TMEFF2: variants seen among roughly 807,000 people sequenced by gnomAD.
The protein encoded by TMEFF2 is tomoregulin-2.
TMEFF2 carries 28 observed loss-of-function variants against 53.8 expected under a neutral mutation model. The observed-to-expected ratio is 0.52, with a 90% CI of 0.39 to 0.71. The LOEUF is 0.71. TMEFF2 is among the 30% of genes least tolerant of loss of function. The pLI is 0.00. For synonymous variants in TMEFF2, 162 were observed against 166.3 expected (o/e 0.97, Z 0.20); for missense variants, 353 against 455.2 (o/e 0.78, Z 2.04).
At chr2:192,085,220 G>A (rs1688644497) in intron 4 of TMEFF2, among the ~76,000 whole-genome samples, 1 of 152,024 alleles carries the variant, frequency 6.6e-6, no homozygotes, top group South Asian at 2.1e-4. Context: ...TCATAATAAA[G>A]GATTTAGGAA....
At chr2:192,008,615 C>T (rs1311279729) in intron 5 of TMEFF2, among the ~76,000 whole-genome samples, 4 of 152,060 alleles carry the variant, frequency 2.6e-5, no homozygotes, top group African/African-American at 9.7e-5. Context: ...TTTATACACA[C>T]CTGAGTCAGG....
At chr2:191,964,078 TATAAAA>T (rs1288912939) in intron 7 of TMEFF2, among the ~76,000 whole-genome samples, 1 of 152,206 alleles carries the variant, frequency 6.6e-6, no homozygotes, top group Non-Finnish European at 1.5e-5. Flanking sequence ...GTTAGGAACT[TATAAAA>T]ATACACGACA....
At chr2:192,145,970 A>T (rs561475888) in intron 4 of TMEFF2, among the ~76,000 whole-genome samples, 1 of 152,160 alleles carries the variant, frequency 6.6e-6, no homozygotes, top group South Asian at 2.1e-4. Flanking sequence ...TGAACTGATT[A>T]ACTAAGCATA....
Position 192,043,049 on chromosome 2 carries a change from A to AG in TMEFF2, c.536+14629dup, listed in dbSNP as rs528944427. On this transcript the variant is annotated intron_variant, in intron 5 of 9. Transcript: ENST00000272771. ...TGGAGTAATTGGGTCTCAGGGCAGC[A>AG]GGGGCCAAGTGGCAGTACTCGACTG... Among the ~76,000 whole-genome samples, 36 of 152,316 alleles carry AG rather than the reference A, an allele frequency of 2.4e-4. No individual in the cohort carries two copies. The East Asian group carries it at 6.4e-3, about 27-fold the overall frequency.
chr2:192,065,315 A>T (rs552420004), intron 4 of TMEFF2, among the ~76,000 whole-genome samples: 5 of 151,882 alleles, frequency 3.3e-5, no homozygotes, highest in African/African-American at 1.2e-4. Flanking sequence ...TAAGCATAGC[A>T]TAACATTAAA....
chr2:192,155,876 G>A (rs1690495273), intron 4 of TMEFF2, among the ~76,000 whole-genome samples: 1 of 151,994 alleles, frequency 6.6e-6, no homozygotes, highest in Non-Finnish European at 1.5e-5. Context: ...TGGTATTTCT[G>A]CTTAAAATAG....
At chr2:192,070,020 A>G (rs367605071) in intron 4 of TMEFF2, among the ~76,000 whole-genome samples, 43,641 of 86,266 alleles carry the variant, frequency 0.51, 8,716 homozygotes, top group South Asian at 0.61. Context: ...ATATATATAT[A>G]TATATATATA....
intron 7 of TMEFF2, among the ~76,000 whole-genome samples, chr2:191,992,934 C>CTTGT (rs1686142518): frequency 6.6e-6 from 1 of 152,010 alleles, no homozygotes; most frequent in African/African-American, 2.4e-5. Flanking sequence ...AAAGCTGGGA[C>CTTGT]TTGTTAGATA....
intron 7 of TMEFF2, among the ~76,000 whole-genome samples, chr2:191,986,345 AG>A (rs1383553762): frequency 6.6e-6 from 1 of 152,204 alleles, no homozygotes; most frequent in Non-Finnish European, 1.5e-5. Context: ...ACAGAAGAAA[AG>A]CAGGGACCCA....
At chr2:191,995,387 G>A (rs573632791) in intron 7 of TMEFF2, among the ~76,000 whole-genome samples, 31 of 152,070 alleles carry the variant, frequency 2.0e-4, no homozygotes, top group Admixed American at 1.8e-3. Flanking sequence ...TAGTATGTTA[G>A]ATCCTTACTT....
chr2:192,060,656 ACT>A (rs1372333176), intron 4 of TMEFF2, among the ~76,000 whole-genome samples: 1 of 152,084 alleles, frequency 6.6e-6, no homozygotes, highest in East Asian at 1.9e-4. Context: ...TACATGTTAC[ACT>A]CTCAGTAAAT....
At chr2:192,141,554 C>A (rs1690140553) in intron 4 of TMEFF2, among the ~76,000 whole-genome samples, 1 of 151,136 alleles carries the variant, frequency 6.6e-6, no homozygotes, top group Admixed American at 6.6e-5. Flanking sequence ...TAAAATAATT[C>A]CAGGTAGATG....
In TMEFF2 at chr2:192,055,041, A is replaced by G. The variant is rs185340399; in HGVS notation, c.536+2638T>C. On this transcript the variant is annotated intron_variant, in intron 5 of 9. Transcript: ENST00000272771. ...ATTAAAAAGATAAGGAACTAGGAAA[A>G]TTAAAATTCTTAAAAAAAAGAGACT... Among the ~76,000 whole-genome samples, 342 of 152,306 alleles carry G rather than the reference A, an allele frequency of 2.2e-3. 1 individual carries two copies. The highest frequency in any genetic ancestry group is 4.0e-3 in the Admixed American group (61 of 15,302).
intron 5 of TMEFF2, chr2:192,035,339 G>A (rs572668631): frequency 1.3e-5 from 2 of 152,302 alleles, no homozygotes; most frequent in Admixed American, 1.3e-4. Context: ...AGACACATCA[G>A]TGTCCTCAAC....
chr2:192,165,896 CTG>C (rs1407906232), intron 4 of TMEFF2, among the ~76,000 whole-genome samples: 2 of 152,144 alleles, frequency 1.3e-5, no homozygotes, highest in Non-Finnish European at 2.9e-5. Flanking sequence ...ACAAATATCT[CTG>C]AATTTAGAAA....
chr2:191,964,314 TCC>T, intron 7 of TMEFF2, among the ~76,000 whole-genome samples: 1 of 141,724 alleles, frequency 7.1e-6, no homozygotes, highest in African/African-American at 2.9e-5. Flanking sequence ...CTTCTTTCTT[TCC>T]TTCCTTCCTT....
intron 5 of TMEFF2, among the ~76,000 whole-genome samples, chr2:192,006,900 A>G (rs1355785515): frequency 6.6e-6 from 1 of 152,190 alleles, no homozygotes; most frequent in Non-Finnish European, 1.5e-5. Flanking sequence ...TTGGAGTTAT[A>G]TTAGATACTC....
chr2:192,081,141 T>C (rs1688543164), intron 4 of TMEFF2, among the ~76,000 whole-genome samples: 1 of 152,210 alleles, frequency 6.6e-6, no homozygotes, highest in African/African-American at 2.4e-5. Context: ...ATAAATAAAC[T>C]GAAAAAGCAA....
intron 4 of TMEFF2, among the ~76,000 whole-genome samples, chr2:192,130,972 C>A (rs1340325628): frequency 1.3e-5 from 2 of 151,954 alleles, no homozygotes; most frequent in African/African-American, 4.8e-5. Flanking sequence ...ATTATTCACC[C>A]ACGTTTCAAG....
Sources: gnomAD v4.1 joint callset for allele counts (sites outside exome capture counted in the v4.1 genomes callset) on GRCh38, gnomAD v4.1.1 for gene constraint, MANE v1.5 for transcripts, NCBI Gene and HGNC (gene_info 2026-07-23, HGNC 2026-07-21) for gene names.